The following NCAM1 variants were observed in gnomAD, a reference collection of about 807,000 sequenced individuals.
The protein encoded by NCAM1 is neural cell adhesion molecule 1.
Under a neutral mutation model 109.8 loss-of-function variants are expected in NCAM1, and 14 were observed. That is an observed-to-expected ratio of 0.13 (90% CI 0.08 to 0.20). NCAM1 has a LOEUF of 0.20. Among genes scored for constraint, NCAM1 ranks in the 10% least tolerant of loss-of-function variants. The pLI, the probability that NCAM1 is intolerant of heterozygous loss-of-function variation, is 1.00. For synonymous variants in NCAM1, 418 were observed against 442.9 expected, an observed-to-expected ratio of 0.94 and a Z score of 0.70; for missense variants, 774 against 1,109.9, an observed-to-expected ratio of 0.70 and a Z score of 4.30.
chr11:113,272,083 C>A (rs554453471), intron 19 of NCAM1, among the ~76,000 whole-genome samples: 2 of 152,122 alleles, frequency 1.3e-5, no homozygotes, highest in African/African-American at 4.8e-5. Context: ...CTGTGGGTAC[C>A]CTTAGAAGGC....
intron 1 of NCAM1, among the ~76,000 whole-genome samples, chr11:113,032,186 C>A (rs1052935938): frequency 1.3e-5 from 2 of 152,132 alleles, no homozygotes; most frequent in Non-Finnish European, 1.5e-5. Flanking sequence ...AGTGATCCTG[C>A]CAGAATTTTC....
intron 1 of NCAM1, among the ~76,000 whole-genome samples, chr11:113,122,198 G>A (rs1441130061): frequency 6.6e-6 from 1 of 152,192 alleles, no homozygotes; most frequent in Non-Finnish European, 1.5e-5. Context: ...TTTTGTGAGA[G>A]CAAAACTTTC....
At chr11:113,153,046 ATT>A (rs34180130) in intron 1 of NCAM1, among the ~76,000 whole-genome samples, 13 of 147,524 alleles carry the variant, frequency 8.8e-5, no homozygotes, top group African/African-American at 2.2e-4. Context: ...AATGTCTATA[ATT>A]TTTTTTTTTT....
chr11:113,044,639 CG>C (rs2135344491), intron 1 of NCAM1, among the ~76,000 whole-genome samples: 1 of 152,080 alleles, frequency 6.6e-6, no homozygotes, highest in South Asian at 2.1e-4. Flanking sequence ...GAGCCACGAT[CG>C]CGTCACTGCA....
chr11:113,179,330 T>C (rs1484282339), intron 1 of NCAM1, among the ~76,000 whole-genome samples: 16 of 152,276 alleles, frequency 1.1e-4, no homozygotes, highest in African/African-American at 3.9e-4. Flanking sequence ...CTCCTTTTGC[T>C]ATGGAGCAAA....
At chr11:113,187,541 C>CTGTGTG (rs112338209) in intron 1 of NCAM1, among the ~76,000 whole-genome samples, 1,751 of 142,284 alleles carry the variant, frequency 0.012, 31 homozygotes, top group African/African-American at 0.043. Context: ...CACTGAGGAT[C>CTGTGTG]TGTGTGTGTG....
chr11:113,001,923 G>A (rs1439677716), intron 1 of NCAM1, among the ~76,000 whole-genome samples: 2 of 152,146 alleles, frequency 1.3e-5, no homozygotes, highest in Non-Finnish European at 2.9e-5. Flanking sequence ...CTCCACGTTG[G>A]CTTCATTCCC....
At chr11:113,161,945 TG>T (rs1263764693) in intron 1 of NCAM1, among the ~76,000 whole-genome samples, 3 of 152,178 alleles carry the variant, frequency 2.0e-5, no homozygotes, top group African/African-American at 7.2e-5. Flanking sequence ...AACCTTGGCT[TG>T]GATCGCTTCC....
chr11:113,258,966 A>G (rs1555122750), intron 16 of NCAM1, among the ~76,000 whole-genome samples: 1 of 152,188 alleles, frequency 6.6e-6, no homozygotes, highest in Non-Finnish European at 1.5e-5. Flanking sequence ...CCCCACAGGC[A>G]TGTTGTAGGA....
intron 17 of NCAM1, among the ~76,000 whole-genome samples, chr11:113,260,681 C>G (rs567682809): frequency 6.6e-6 from 1 of 152,118 alleles, no homozygotes; most frequent in Non-Finnish European, 1.5e-5. Flanking sequence ...TGCCATCTGC[C>G]ACATCATACT....
intron 1 of NCAM1, among the ~76,000 whole-genome samples, chr11:113,089,102 C>T (rs1160898300): frequency 6.6e-6 from 1 of 152,092 alleles, no homozygotes; most frequent in East Asian, 1.9e-4. Flanking sequence ...ATCACAAGGT[C>T]AAAAGTTTGA....
At chr11:112,964,434 G>A (rs778717772) in intron 1 of NCAM1, among the ~76,000 whole-genome samples, 19 of 152,150 alleles carry the variant, frequency 1.2e-4, no homozygotes, top group Non-Finnish European at 2.5e-4. Context: ...TAAGTCACAT[G>A]TTTACTTGAT....
intron 1 of NCAM1, among the ~76,000 whole-genome samples, chr11:113,074,083 C>T (rs190614857): frequency 6.6e-6 from 1 of 152,100 alleles, no homozygotes; most frequent in Non-Finnish European, 1.5e-5. Flanking sequence ...CAGGGGAGCA[C>T]CTTGAAAATA....
chr11:112,977,262 G>T (rs900516133), intron 1 of NCAM1: 16 of 151,830 alleles, frequency 1.1e-4, no homozygotes, highest in Admixed American at 5.3e-4. Context: ...TATTAAAATA[G>T]TCTTATAGTG....
chr11:113,026,985 A>C (rs1399319334), intron 1 of NCAM1, among the ~76,000 whole-genome samples: 1 of 152,178 alleles, frequency 6.6e-6, no homozygotes, highest in Non-Finnish European at 1.5e-5. Context: ...CAGATTAGCA[A>C]CCTTGAATGC....
At chr11:113,153,046 A>AT (rs34180130) in intron 1 of NCAM1, among the ~76,000 whole-genome samples, 63,762 of 147,372 alleles carry the variant, frequency 0.43, 14,479 homozygotes, top group Middle Eastern at 0.58. Flanking sequence ...AATGTCTATA[A>AT]TTTTTTTTTT....
At chr11:112,976,973 C>A (rs1951025177) in intron 1 of NCAM1, among the ~76,000 whole-genome samples, 1 of 151,466 alleles carries the variant, frequency 6.6e-6, no homozygotes, top group South Asian at 2.1e-4. Context: ...GTGCAAACGT[C>A]AGGTAATTCT....
rs782389952 is a variant in NCAM1, at chr11:113,275,293, A to G, written c.2483A>G (p.Glu828Gly). The G allele has an allele frequency of 3.1e-6, 5 of 1,613,780 alleles. No individual in the cohort carries two copies. The South Asian group carries it at 5.5e-5, about 18-fold the overall frequency. The part of the protein sequence containing the change: ...PEKGPVEAKP[E>G]CQETETKPAP... ...AAGGGCCCCGTAGAAGCAAAGCCAGAGTGCCAGGAGACAGAAACGAAGCCA... is the reference window on the plus strand; with the variant it reads ...AAGGGCCCCGTAGAAGCAAAGCCAGGGTGCCAGGAGACAGAAACGAAGCCA... The change falls in exon 20 of 20, where the codon GAG (glutamate) becomes GGG (glycine). Residue 828 changes from glutamate to glycine, a missense_variant. Coordinates refer to ENST00000316851, the MANE Select transcript of NCAM1 (RefSeq NM_181351.5).
chr11:113,177,236 G>C (rs1943183389), intron 1 of NCAM1, among the ~76,000 whole-genome samples: 1 of 152,160 alleles, frequency 6.6e-6, no homozygotes, highest in Non-Finnish European at 1.5e-5. Context: ...CCTGGTGTAA[G>C]CTGCTGACCA....
Sources: allele counts gnomAD v4.1 joint callset (sites outside exome capture counted in the v4.1 genomes callset), GRCh38; gene constraint gnomAD v4.1.1; transcripts MANE v1.5; gene names NCBI Gene and HGNC (gene_info 2026-07-23, HGNC 2026-07-21).